Variants in CCNB3 observed in about 807,000 individuals in gnomAD.
The protein encoded by CCNB3 is G2/mitotic-specific cyclin-B3.
In CCNB3, 12 loss-of-function variants were observed where a neutral mutation model predicts 68.0. That is an observed-to-expected ratio of 0.18 (90% CI 0.11 to 0.29). The LOEUF (loss-of-function observed/expected upper bound fraction) is 0.29. Among genes scored for constraint, CCNB3 ranks in the 10% least tolerant of loss-of-function variants. The pLI is 1.00. For missense variants in CCNB3, 904 were observed against 993.1 expected (o/e 0.91, Z 1.21); for synonymous variants, 354 against 388.9 (o/e 0.91, Z 1.06).
intron 1 of CCNB3, among the ~76,000 whole-genome samples, chrX:50,227,937 T>A (rs1208847654): frequency 7.3e-5 from 6 of 81,887 alleles, no homozygotes; most frequent in Non-Finnish European, 1.3e-4. Context: ...ACAGAATATA[T>A]ATAAATATAT....
intron 5 of CCNB3, among the ~76,000 whole-genome samples, chrX:50,307,451 T>C (rs2147057779): frequency 9.0e-6 from 1 of 111,424 alleles, no homozygotes; most frequent in African/African-American, 3.3e-5. Context: ...GTTCTTACCA[T>C]AGCTAGACTA....
At chrX:50,338,923 T>A (rs1922988760) in intron 8 of CCNB3, among the ~76,000 whole-genome samples, 1 of 112,207 alleles carries the variant, frequency 8.9e-6, no homozygotes, top group Non-Finnish European at 1.9e-5. Context: ...TTCTGAGCCC[T>A]CCAAATGTTT....
At chrX:50,322,526 T>C (rs1383033687) in intron 8 of CCNB3, among the ~76,000 whole-genome samples, 1 of 111,454 alleles carries the variant, frequency 9.0e-6, no homozygotes, top group Non-Finnish European at 1.9e-5. Flanking sequence ...GGACTTCATG[T>C]CTAAAACACC....
intron 8 of CCNB3, among the ~76,000 whole-genome samples, chrX:50,331,451 G>A (rs971164292): frequency 3.2e-4 from 36 of 111,759 alleles, no homozygotes; most frequent in Non-Finnish European, 2.4e-4. Context: ...GTCATCCTAC[G>A]GGGTGAGTGA....
At chrX:50,347,914 C>G in intron 11 of CCNB3, 139 bp downstream of exon 11, 3 of 550,927 alleles carry the variant, frequency 5.4e-6, no homozygotes, top group Admixed American at 4.0e-5. Context: ...AACTCTAACA[C>G]CTGGACAACT....
chrX:50,297,666 A>G (rs1451164647), intron 5 of CCNB3, among the ~76,000 whole-genome samples: 1 of 112,040 alleles, frequency 8.9e-6, no homozygotes, highest in Admixed American at 9.5e-5. Context: ...AATTCTGTGA[A>G]GAAAGTCATT....
At chrX:50,226,538 A>T (rs1266751145) in intron 1 of CCNB3, among the ~76,000 whole-genome samples, 1 of 76,210 alleles carries the variant, frequency 1.3e-5, no homozygotes, top group Non-Finnish European at 2.3e-5. Context: ...TATAGAATAT[A>T]TGAATATATA....
chrX:50,224,922 G>T (rs1320283753), intron 1 of CCNB3, among the ~76,000 whole-genome samples: 2 of 111,355 alleles, frequency 1.8e-5, no homozygotes, highest in Non-Finnish European at 3.8e-5. Context: ...TGCAAATGGG[G>T]ATATTAATAC....
chrX:50,213,979 A>G (rs1461368957), intron 1 of CCNB3, among the ~76,000 whole-genome samples: 1 of 111,648 alleles, frequency 9.0e-6, no homozygotes, highest in South Asian at 3.8e-4. Context: ...TTCCATTACC[A>G]TAATCAAGGT....
intron 1 of CCNB3, among the ~76,000 whole-genome samples, chrX:50,218,674 T>C (rs1006358746): frequency 1.2e-4 from 13 of 112,067 alleles, no homozygotes; most frequent in African/African-American, 4.2e-4. Context: ...CTTTATCCAG[T>C]ATATCACTGA....
At position 50,309,668 on chromosome X, in the gene CCNB3, C is replaced by G; in HGVS notation, c.1499C>G (p.Thr500Arg). ...ILKRKHATQG[T>R]MSHLKKPLIL... ...AAGAGGAAGCATGCCACTCAGGGGACAATGTCCCACTTGAAGAAACCACTA... is the reference window on the plus strand; with the variant it reads ...AAGAGGAAGCATGCCACTCAGGGGAGAATGTCCCACTTGAAGAAACCACTA... The change falls in exon 6 of 13, where the codon ACA becomes AGA. Residue 500 changes from threonine (T) to arginine (R), a missense_variant. Coordinates refer to ENST00000376042, the MANE Select transcript of CCNB3 (RefSeq NM_033031.3). 1 of 1,209,893 alleles carries G rather than the reference C, an allele frequency of 8.3e-7. No homozygotes were observed. The highest frequency in any genetic ancestry group is 1.1e-6 in the Non-Finnish European group (1 of 894,856).
At chrX:50,347,070 A>G (rs1557220432) in intron 10 of CCNB3, among the ~76,000 whole-genome samples, 3 of 111,048 alleles carry the variant, frequency 2.7e-5, no homozygotes, top group East Asian at 2.8e-4. Context: ...CGTTTCTTTT[A>G]TCAGGGAGAG....
chrX:50,203,276 T>G (rs1388152439), upstream of CCNB3, among the ~76,000 whole-genome samples: 1 of 112,348 alleles, frequency 8.9e-6, no homozygotes, highest in Non-Finnish European at 1.9e-5. Context: ...GGGACCTGCG[T>G]TTATAATATA....
chrX:50,287,837 G>A (rs1172973477), intron 3 of CCNB3, among the ~76,000 whole-genome samples: 5 of 110,753 alleles, frequency 4.5e-5, no homozygotes, highest in Non-Finnish European at 9.4e-5. Flanking sequence ...AGCAGGAGGT[G>A]AGCAGTGAGT....
intron 5 of CCNB3, among the ~76,000 whole-genome samples, chrX:50,305,078 C>A (rs797029358): frequency 2.4e-4 from 27 of 111,568 alleles, no homozygotes; most frequent in East Asian, 5.6e-4. Flanking sequence ...TAGTTCAACC[C>A]TTGTGGAAGT....
chrX:50,322,929 G>T, intron 8 of CCNB3, among the ~76,000 whole-genome samples: 1 of 111,405 alleles, frequency 9.0e-6, no homozygotes, highest in East Asian at 2.8e-4. Flanking sequence ...ACAGGTGCTG[G>T]AGAGGATGTG....
At chrX:50,327,783 A>G (rs781786006) in intron 8 of CCNB3, among the ~76,000 whole-genome samples, 7 of 111,581 alleles carry the variant, frequency 6.3e-5, no homozygotes, top group Admixed American at 9.6e-5. Context: ...GAAAAAGTCC[A>G]TTTTCTAATC....
chrX:50,351,427 A>G, intron 12 of CCNB3, 56 bp downstream of exon 12: 1 of 1,173,768 alleles, frequency 8.5e-7, no homozygotes, highest in Non-Finnish European at 1.2e-6. Context: ...GGGAGGCTTT[A>G]AAATACTAGA....
At position 50,306,759 on chromosome X, in the gene CCNB3, T is replaced by C. The variant is rs1019298085; in HGVS notation, c.336-1746T>C. 8.0e-5 allele frequency among the ~76,000 whole-genome samples: 9 copies of C among 112,156 alleles called. No individual in the cohort carries two copies. In the East Asian group the frequency reaches 1.4e-3, roughly 17 times the overall value. On this transcript the variant is annotated intron_variant, in intron 5 of 12. Transcript: ENST00000376042. ...GTTTTTGTTTTCTATTCTATTAATGTGATGTAGTATGCAAATTGAATTTTG... is the reference window on the plus strand; with the variant it reads ...GTTTTTGTTTTCTATTCTATTAATGCGATGTAGTATGCAAATTGAATTTTG...
Sources: allele counts gnomAD v4.1 joint callset (sites outside exome capture counted in the v4.1 genomes callset), GRCh38; gene constraint gnomAD v4.1.1; transcripts MANE v1.5; gene names NCBI Gene and HGNC (gene_info 2026-07-23, HGNC 2026-07-21).